Variants in MYH1 observed in about 807,000 individuals in gnomAD.
MYH1 encodes the protein myosin heavy chain 1.
MYH1 carries 214 observed loss-of-function variants against 225.6 expected under a neutral mutation model. That is an observed-to-expected ratio of 0.95 (90% confidence interval 0.85 to 1.06). MYH1 has a LOEUF of 1.06. Ranked by LOEUF, MYH1 falls within the 50% of genes least tolerant of loss-of-function variation. The pLI is 0.00. For synonymous variants in MYH1, 774 were observed against 842.3 expected (o/e 0.92, Z 1.40); for missense variants, 2,098 against 2,344.2 (o/e 0.89, Z 2.17).
chr17:10,494,398 G>C lies in MYH1; in HGVS notation c.5623C>G (p.Leu1875Val). ...ILRLQDLVDK[L>V]QAKVKSYKRQ... ...TTGTAGGATTTCACCTTTGCTTGCAGTTTGTCCACCAGGTCCTGGAGCCTG... is the reference window on the plus strand; with the variant it reads ...TTGTAGGATTTCACCTTTGCTTGCACTTTGTCCACCAGGTCCTGGAGCCTG... The change falls in exon 39 of 40, where the codon CTG becomes GTG. Residue 1875 changes from leucine (L) to valine (V), a missense_variant. Transcript: ENST00000226207. The C allele has an allele frequency of 6.2e-7, 1 of 1,614,154 alleles. No homozygotes were observed. Among genetic ancestry groups the C allele is most frequent in the East Asian group, 2.2e-5 (1 of 44,864 alleles).
chr17:10,512,567 A>T (rs1450435317), intron 11 of MYH1, 21 bp from the exon 12 acceptor site: 1 of 1,614,074 alleles, frequency 6.2e-7, no homozygotes, highest in Non-Finnish European at 8.5e-7. Context: ...AGATGAGAAG[A>T]CAAAGATTAG....
rs1269740449 is a variant in MYH1, at chr17:10,516,016, C to A, written c.415G>T (p.Val139Leu). The A allele has an allele frequency of 1.9e-6, 3 of 1,614,170 alleles. No homozygotes were observed. Among genetic ancestry groups the A allele is most frequent in the African/African-American group, 2.7e-5 (2 of 75,028 alleles). ...TTTTTGCCTCGGTAGGCTGTCACCA[C>A]CTCTGCATTATACACTGGCAACCAC... is the stretch of plus-strand genomic sequence containing the variant. ...YKWLPVYNAEVVTAYRGKKRQ... is the reference protein window; with the variant it reads ...YKWLPVYNAELVTAYRGKKRQ... The change falls in exon 5 of 40, where the codon GTG becomes TTG. Residue 139 changes from valine to leucine, a missense_variant. By Grantham distance (32) the Val-to-Leu change is conservative. Coordinates refer to ENST00000226207, the MANE Select transcript of MYH1 (RefSeq NM_005963.4).
In MYH1 at chr17:10,512,889, A is replaced by G. The variant is rs1377286632; in HGVS notation, c.882T>C (p.Ser294=). The G allele has an allele frequency of 1.2e-6, 2 of 1,613,004 alleles. No homozygotes were observed. Among genetic ancestry groups the G allele is most frequent in the Admixed American group, 1.7e-5 (1 of 60,002 alleles). Residue 294 remains serine (S), a synonymous_variant, in exon 10 of 40, where the codon TCT becomes TCC. Transcript: ENST00000226207. The part of the protein sequence containing the change: ...RSYHIFYQIM[S]NKKPDLIEML... ...TACCAATTAGATCTGGCTTCTTGTT[A>G]GACATGATCTGATAAAAAATATGAT...
In MYH1 at chr17:10,504,984, C is replaced by T. The variant is rs1295920480; in HGVS notation, c.2517G>A (p.Lys839=). ...CTGCACTTTTGAGGAGGGGTTTGAT[C>T]TTGAAATACAGCTTCATCCAGGGCC... is the stretch of plus-strand genomic sequence containing the variant. The part of the protein sequence containing the change: ...KHWPWMKLYF[K]IKPLLKSAET... The change falls in exon 22 of 40, where the codon AAG becomes AAA. Residue 839 remains lysine (K), a synonymous_variant. Coordinates refer to ENST00000226207, the MANE Select transcript of MYH1 (RefSeq NM_005963.4). 3.1e-6 allele frequency: 5 copies of T among 1,613,980 alleles called. No individual in the cohort carries two copies. In the African/African-American group the frequency reaches 4.0e-5, roughly 13 times the overall value.
Position 10,512,970 on chromosome 17 carries a change from A to G in MYH1, c.806-5T>C, listed in dbSNP as rs2073188099. The G allele has an allele frequency of 1.9e-6, 3 of 1,593,558 alleles. No individual in the cohort carries two copies. Among genetic ancestry groups the G allele is most frequent in the Non-Finnish European group, 1.7e-6 (2 of 1,162,428 alleles). On this transcript the variant is annotated splice_polypyrimidine_tract_variant and splice_region_variant and intron_variant, in intron 9 of 39. Transcript: ENST00000226207. ...CTCTAGACTTCTCCAGAAGATCTGCAACGGATAGTAGACATCAGATTATGG... is the reference window on the plus strand; with the variant it reads ...CTCTAGACTTCTCCAGAAGATCTGCGACGGATAGTAGACATCAGATTATGG...
chr17:10,511,772 C>A, intron 14 of MYH1, 67 bp downstream of exon 14: 1 of 1,610,372 alleles, frequency 6.2e-7, no homozygotes, highest in East Asian at 2.2e-5. Context: ...TACAGGCATG[C>A]TATATGACTG....
chr17:10,508,475 G>GC lies in MYH1; in HGVS notation c.1784dup (p.Trp596LeufsTer3). The GC allele has an allele frequency of 1.9e-6, 3 of 1,614,188 alleles. No individual in the cohort carries two copies. Among genetic ancestry groups the GC allele is most frequent in the Non-Finnish European group, 2.5e-6 (3 of 1,180,030 alleles). On this transcript the variant is annotated frameshift_variant, in exon 16 of 40. Transcript: ENST00000226207. LOFTEE classifies it high-confidence loss of function. ...GGGGGTCCTTGTTCTTGTCAAGCCA[G>GC]CCGGCAATGTTGTAGTCCACGGTGC...
Position 10,500,995 on chromosome 17 carries a change from A to T in MYH1, c.3738+115T>A. 4.0e-6 allele frequency: 6 copies of T among 1,505,708 alleles called. No homozygotes were observed. The Middle Eastern group carries it at 5.6e-4, about 141-fold the overall frequency. 93.3% of individuals were successfully genotyped at this position (1,505,708 alleles called of 1,614,324 possible). A position where few individuals can be genotyped will look rare whatever the true frequency, so the allele number is the denominator to read the frequency against. On this transcript the variant is annotated intron_variant, in intron 27 of 39. Transcript: ENST00000226207. ...ACTTTACTAAGTTGTACTATACGTG[A>T]TATGAGAAAAAGGGTGCCTGATTTA...
In MYH1 at chr17:10,502,895, T is replaced by C. The variant is rs1473066924; in HGVS notation, c.2954A>G (p.Glu985Gly). The C allele has an allele frequency of 1.2e-6, 2 of 1,614,084 alleles. No homozygotes were observed. The highest frequency in any genetic ancestry group is 1.7e-5 in the Admixed American group (1 of 60,020). ...TENKVKNLTE[E>G]MAGLDETIAK... ...AATGGTTTCATCCAGACCCGCCATC[T>C]CTTCTGTGAGGTTTTTCACCTACAA... Residue 985 changes from glutamate (E) to glycine (G), a missense_variant, in exon 24 of 40, where the codon GAG becomes GGG. By Grantham distance (98) the Glu-to-Gly change is moderately conservative (BLOSUM62 -2). Transcript: ENST00000226207.
rs1214539866 is a variant in MYH1 at position 10,506,001 on chromosome 17, A to C, written c.2056+11T>G. The C allele has an allele frequency of 1.2e-6, 2 of 1,614,072 alleles. No homozygotes were observed. The highest frequency in any genetic ancestry group is 4.5e-5 in the East Asian group (2 of 44,896). ...ACACTGGAGCTTGTCTGGATATCAG[A>C]AATGTCTTACCAGGAGTTTTAGTTT... On this transcript the variant is annotated intron_variant, in intron 18 of 39. Coordinates refer to ENST00000226207, the MANE Select transcript of MYH1 (RefSeq NM_005963.4).
chr17:10,505,148 A>T lies in MYH1; in HGVS notation c.2435+15T>A. 1 of 1,613,838 alleles carries T rather than the reference A, an allele frequency of 6.2e-7. No individual in the cohort carries two copies. The highest frequency in any genetic ancestry group is 8.5e-7 in the Non-Finnish European group (1 of 1,179,942). On this transcript the variant is annotated intron_variant, in intron 21 of 39. Transcript: ENST00000226207. ...CCTAAGATGATGAGGTTAAGTAAAG[A>T]ATTCTTATTAATACCTTCTTTCCAC... is the stretch of plus-strand genomic sequence containing the variant.
chr17:10,494,279 C>T, intron 39 of MYH1, 75 bp downstream of exon 39: 2 of 1,395,570 alleles, frequency 1.4e-6, no homozygotes, highest in South Asian at 2.5e-5. Flanking sequence ...TTTTACTCAT[C>T]TTTTCTTTTG....
Position 10,495,226 on chromosome 17 carries a change from T to C in MYH1, c.5261A>G (p.Asn1754Ser), listed in dbSNP as rs756709927. Residue 1754 changes from asparagine to serine, a missense_variant, in exon 36 of 40, where the codon AAT becomes AGT. Coordinates refer to ENST00000226207, the MANE Select transcript of MYH1 (RefSeq NM_005963.4). ...EMEDIIQEAR[N>S]AEEKAKKAIT... ...GGCCTTCTTGGCCTTCTCTTCTGCA[T>C]TGCGGGCTTCCTGGATGATGTCTTC... 1.1e-5 allele frequency: 17 copies of C among 1,614,130 alleles called. No individual in the cohort carries two copies. The East Asian group carries it at 2.5e-4, about 23-fold the overall frequency.
rs1487927355 is a variant in MYH1, at chr17:10,496,363, C to G, written c.4843G>C (p.Ala1615Pro). 1.2e-6 allele frequency: 2 copies of G among 1,614,084 alleles called. No individual in the cohort carries two copies. Among genetic ancestry groups the G allele is most frequent in the Non-Finnish European group, 1.7e-6 (2 of 1,180,014 alleles). ...LDAEIRSRNDAIRLKKKMEGD... is the reference protein window; with the variant it reads ...LDAEIRSRNDPIRLKKKMEGD... Reference sequence around the variant, plus strand: ...TCCATCTTCTTCTTGAGCCTAATGGCATCATTCCTGCTCCTGATCTCAGCA... The same window carrying G: ...TCCATCTTCTTCTTGAGCCTAATGGGATCATTCCTGCTCCTGATCTCAGCA... The change falls in exon 34 of 40, where the codon GCC becomes CCC. Residue 1615 changes from alanine to proline, a missense_variant. Transcript: ENST00000226207.
chr17:10,512,329 G>C (rs1006950342), intron 12 of MYH1, 79 bp downstream of exon 12: 4 of 1,610,566 alleles, frequency 2.5e-6, no homozygotes, highest in Non-Finnish European at 3.4e-6. Context: ...GAGCTCAGCT[G>C]TAAAGAAGAC....
chr17:10,508,028 G>GTT, intron 16 of MYH1, 72 bp from the exon 17 acceptor site: 3 of 1,221,740 alleles, frequency 2.5e-6, no homozygotes, highest in African/African-American at 1.8e-5. Context: ...GTTTTTTTTT[G>GTT]TTTTTTTTGA....
At chr17:10,504,124 G>A (rs1597438726) in intron 22 of MYH1, among the ~76,000 whole-genome samples, 1 of 152,296 alleles carries the variant, frequency 6.6e-6, no homozygotes, top group Non-Finnish European at 1.5e-5. Flanking sequence ...TGTTGGTTTT[G>A]GTGGCAGCAA....
Position 10,503,115 on chromosome 17 carries a change from G to A in MYH1, c.2825C>T (p.Ala942Val), listed in dbSNP as rs141065290. The A allele has an allele frequency of 7.4e-6, 12 of 1,612,584 alleles. No individual in the cohort carries two copies. The highest frequency in any genetic ancestry group is 6.8e-6 in the Non-Finnish European group (8 of 1,178,894). The change falls in exon 23 of 40, where the codon GCC becomes GTC. Residue 942 changes from alanine (A) to valine (V), a missense_variant. Transcript: ENST00000226207. ...DEEEINAELT[A>V]KKRKLEDECS... is the part of the protein sequence containing the mutation. ...TTCATCCTCCAGTTTCCTCTTCTTG[G>A]CTGTCAGCTCAGCATTGATCTCTTC...
In MYH1 at chr17:10,512,072, A is replaced by G; in HGVS notation, c.1266+2T>C. 1 of 1,614,058 alleles carries G rather than the reference A, an allele frequency of 6.2e-7. No individual in the cohort carries two copies. Among genetic ancestry groups the G allele is most frequent in the South Asian group, 1.1e-5 (1 of 91,074 alleles). ...TGTGATTCATTGAGGTCATGCACTT[A>G]CCTGCTGCACAGTTTGACCTTTGGT... On this transcript the variant is annotated splice_donor_variant, in intron 13 of 39. Transcript: ENST00000226207. LOFTEE classifies it high-confidence loss of function.
Sources: allele counts gnomAD v4.1 joint callset (sites outside exome capture counted in the v4.1 genomes callset), GRCh38; gene constraint gnomAD v4.1.1; transcripts MANE v1.5; gene names NCBI Gene and HGNC (gene_info 2026-07-23, HGNC 2026-07-21).